NEGR1: variants seen among roughly 807,000 people sequenced by gnomAD.
The protein encoded by NEGR1 is neuronal growth regulator 1.
A neutral mutation model predicts 40.9 loss-of-function variants in NEGR1; 10 were observed. The observed-to-expected ratio is 0.24, with a 90% CI of 0.15 to 0.42. The LOEUF (loss-of-function observed/expected upper bound fraction) is 0.42, where lower values mean the gene tolerates loss of function less well. Among genes scored for constraint, NEGR1 ranks in the 10% least tolerant of loss-of-function variants. The pLI, the probability that NEGR1 is intolerant of heterozygous loss-of-function variation, is 1.00. For missense variants in NEGR1, 352 were observed against 438.9 expected, an observed-to-expected ratio of 0.80 and a Z score of 1.77; for synonymous variants, 185 against 166.8, an observed-to-expected ratio of 1.11 and a Z score of -0.84.
At chr1:72,202,318 C>T (rs1653246933) in intron 1 of NEGR1, among the ~76,000 whole-genome samples, 1 of 151,796 alleles carries the variant, frequency 6.6e-6, no homozygotes, top group Non-Finnish European at 1.5e-5. Flanking sequence ...TAAAATTAGG[C>T]CAGTTAATAA....
chr1:72,041,898 TGA>T (rs1285184753), intron 1 of NEGR1, among the ~76,000 whole-genome samples: 1 of 145,550 alleles, frequency 6.9e-6, no homozygotes, highest in Non-Finnish European at 1.5e-5. Flanking sequence ...AATATATATT[TGA>T]GTTTCAAATA....
At chr1:72,051,999 C>CATCCT (rs139830536) in intron 1 of NEGR1, among the ~76,000 whole-genome samples, 2,142 of 151,566 alleles carry the variant, frequency 0.014, 51 homozygotes, top group African/African-American at 0.049. Flanking sequence ...ATAGAAAACT[C>CATCCT]ATCCTCAAAA....
intron 5 of NEGR1, among the ~76,000 whole-genome samples, chr1:71,608,461 A>G (rs576224808): frequency 3.3e-5 from 5 of 150,124 alleles, no homozygotes; most frequent in East Asian, 2.0e-4. Flanking sequence ...TATATTTACT[A>G]TAGGCCAAGA....
chr1:72,276,426 T>C (rs920881463), intron 1 of NEGR1, among the ~76,000 whole-genome samples: 1 of 152,170 alleles, frequency 6.6e-6, no homozygotes, highest in East Asian at 1.9e-4. Context: ...GGTTTAATCA[T>C]AGTTATTTTT....
intron 1 of NEGR1, chr1:72,275,201 C>A: frequency 1.7e-6 from 1 of 602,384 alleles, no homozygotes. Flanking sequence ...GAAAATACAT[C>A]TTCACAAAAT....
At chr1:72,021,166 T>C (rs1036891224) in intron 1 of NEGR1, among the ~76,000 whole-genome samples, 23 of 152,188 alleles carry the variant, frequency 1.5e-4, no homozygotes, top group Admixed American at 4.6e-4. Flanking sequence ...TTTAATAACA[T>C]ACATCTAAAT....
chr1:71,959,441 A>G (rs1557455887), intron 1 of NEGR1, among the ~76,000 whole-genome samples: 5 of 152,186 alleles, frequency 3.3e-5, no homozygotes, highest in Non-Finnish European at 5.9e-5. Flanking sequence ...AAATTCTAAA[A>G]TAACTCACTT....
intron 1 of NEGR1, among the ~76,000 whole-genome samples, chr1:72,055,880 AC>A (rs1336783864): frequency 6.7e-6 from 1 of 149,312 alleles, no homozygotes; most frequent in Admixed American, 6.7e-5. Flanking sequence ...AAAATTAGGC[AC>A]CTGGAAATCT....
At chr1:71,767,166 G>C (rs1656163326) in intron 3 of NEGR1, among the ~76,000 whole-genome samples, 1 of 152,140 alleles carries the variant, frequency 6.6e-6, no homozygotes. Context: ...CTGGGTAAGG[G>C]GAAGAGGTTG....
chr1:71,543,582 G>A (rs1647790480), intron 6 of NEGR1, among the ~76,000 whole-genome samples: 1 of 151,676 alleles, frequency 6.6e-6, no homozygotes. Flanking sequence ...GGCATAATGA[G>A]TTGGACCTAA....
intron 1 of NEGR1, among the ~76,000 whole-genome samples, chr1:72,208,329 C>G (rs1156564780): frequency 6.6e-6 from 1 of 151,604 alleles, no homozygotes; most frequent in Non-Finnish European, 1.5e-5. Context: ...AGTTTTATGC[C>G]AATGCATTTC....
chr1:71,448,245 AG>A (rs1414927723), intron 6 of NEGR1, among the ~76,000 whole-genome samples: 2 of 151,172 alleles, frequency 1.3e-5, no homozygotes, highest in Non-Finnish European at 3.0e-5. Context: ...AAAAAAAAAA[AG>A]ACACAGAGAG....
At chr1:71,706,564 C>CAAA (rs35126210) in intron 3 of NEGR1, among the ~76,000 whole-genome samples, 1,386 of 116,256 alleles carry the variant, frequency 0.012, 24 homozygotes, top group Non-Finnish European at 0.02. Flanking sequence ...GTTGCTGCTC[C>CAAA]AAAAAAAAAA....
chr1:71,955,594 G>T (rs1346095727), intron 1 of NEGR1, among the ~76,000 whole-genome samples: 1 of 152,098 alleles, frequency 6.6e-6, no homozygotes, highest in East Asian at 1.9e-4. Flanking sequence ...AGCCATTTGT[G>T]ATTTACCATA....
intron 1 of NEGR1, among the ~76,000 whole-genome samples, chr1:72,134,001 T>C (rs949187575): frequency 7.2e-5 from 11 of 151,846 alleles, no homozygotes; most frequent in Admixed American, 5.9e-4. Context: ...TGAAATATCA[T>C]ACAGGAAAAA....
chr1:71,699,099 C>T lies in NEGR1; in HGVS notation c.536-960G>A, dbSNP rs1175696229. The stretch of plus-strand genomic sequence containing the variant: ...AAGGGAATTATGGAATGAAGCAATG[C>T]TTCCATTAAATTGTTTGTTTTCAAA... On this transcript the variant is annotated intron_variant, in intron 3 of 6. Transcript: ENST00000357731. 2.6e-5 allele frequency among the ~76,000 whole-genome samples: 4 copies of T among 151,882 alleles called. 1 individual carries two copies. The highest frequency in any genetic ancestry group is 4.1e-4 in the South Asian group (2 of 4,824).
At chr1:71,830,273 G>GTGTT (rs1658792239) in intron 2 of NEGR1, among the ~76,000 whole-genome samples, 3 of 151,682 alleles carry the variant, frequency 2.0e-5, no homozygotes, top group Admixed American at 2.0e-4. Context: ...TATCTACTTG[G>GTGTT]TGTTCAGCAT....
rs530433031 is a variant in NEGR1 at position 72,008,841 on chromosome 1, T to C, written c.177-73530A>G. The stretch of plus-strand genomic sequence containing the variant: ...TTAGAATGACCCATAGCATGTTAAT[T>C]GCATACTCCTAGATTACACCACTGA... On this transcript the variant is annotated intron_variant, in intron 1 of 6. Transcript: ENST00000357731. 1.5e-4 allele frequency among the ~76,000 whole-genome samples: 23 copies of C among 152,140 alleles called. 1 individual carries two copies. Among genetic ancestry groups the C allele is most frequent in the African/African-American group, 5.5e-4 (23 of 41,544 alleles).
chr1:71,969,344 G>A (rs1030074478), intron 1 of NEGR1, among the ~76,000 whole-genome samples: 6 of 152,104 alleles, frequency 3.9e-5, no homozygotes, highest in East Asian at 1.9e-4. Flanking sequence ...TGTAGTTAGC[G>A]TGCATATACC....
Sources: allele counts gnomAD v4.1 joint callset (sites outside exome capture counted in the v4.1 genomes callset), GRCh38; gene constraint gnomAD v4.1.1; transcripts MANE v1.5; gene names NCBI Gene and HGNC (gene_info 2026-07-23, HGNC 2026-07-21).